Variants in MGAT4C observed in about 807,000 individuals in gnomAD.
The protein encoded by MGAT4C is MGAT4 family member C, also known as alpha-1,3-mannosyl-glycoprotein 4-beta-N-acetylglucosaminyltransferase C.
In MGAT4C, 19 loss-of-function variants were observed where a neutral mutation model predicts 40.1. The ratio of observed to expected loss-of-function variants is 0.47; its 90% CI spans 0.33 to 0.70. The LOEUF (loss-of-function observed/expected upper bound fraction) is 0.70, where lower values mean the gene tolerates loss of function less well. Among genes scored for constraint, MGAT4C ranks in the 30% least tolerant of loss-of-function variants. The probability of loss-of-function intolerance (pLI) is 0.02; values close to 1 mark genes in which losing one functional copy is unlikely to be tolerated. For synonymous variants in MGAT4C, 181 were observed against 187.1 expected (o/e 0.97, Z 0.27); for missense variants, 491 against 563.2 (o/e 0.87, Z 1.30).
intron 2 of MGAT4C, among the ~76,000 whole-genome samples, chr12:86,006,333 A>G (rs1887871517): frequency 6.6e-6 from 1 of 152,146 alleles, no homozygotes; most frequent in Non-Finnish European, 1.5e-5. Context: ...TGGGTTTCTA[A>G]CCATTAATTT....
At chr12:86,810,471 A>C in intron 1 of MGAT4C, among the ~76,000 whole-genome samples, 1 of 151,890 alleles carries the variant, frequency 6.6e-6, no homozygotes, top group African/African-American at 2.4e-5. Flanking sequence ...TTATAAGCTT[A>C]GGGTGATGTT....
chr12:86,116,249 C>G (rs1878398413), intron 1 of MGAT4C, among the ~76,000 whole-genome samples: 1 of 151,798 alleles, frequency 6.6e-6, no homozygotes, highest in Admixed American at 6.6e-5. Context: ...AGAAGTCGGG[C>G]ATAATCTGAC....
At chr12:86,089,126 A>T (rs549117759) in intron 1 of MGAT4C, among the ~76,000 whole-genome samples, 103 of 152,070 alleles carry the variant, frequency 6.8e-4, no homozygotes, top group African/African-American at 2.3e-3. Flanking sequence ...GCAAAATTAT[A>T]AATGGTATAT....
intron 1 of MGAT4C, among the ~76,000 whole-genome samples, chr12:86,193,630 G>A (rs565496783): frequency 7.9e-5 from 12 of 151,980 alleles, no homozygotes; most frequent in African/African-American, 2.4e-4. Context: ...TTTCTTTTAG[G>A]TACAGCATTC....
At chr12:85,999,608 T>C (rs930937645) in intron 2 of MGAT4C, among the ~76,000 whole-genome samples, 49 of 141,870 alleles carry the variant, frequency 3.5e-4, no homozygotes, top group Admixed American at 7.9e-4. Context: ...TATATATATA[T>C]ACATACACAA....
intron 1 of MGAT4C, among the ~76,000 whole-genome samples, chr12:86,142,044 G>T (rs946283414): frequency 6.6e-6 from 1 of 152,090 alleles, no homozygotes; most frequent in Admixed American, 6.6e-5. Flanking sequence ...TAATTCTAAG[G>T]AAGCCTCATC....
chr12:86,518,369 G>A (rs1311877790), intron 2 of MGAT4C, among the ~76,000 whole-genome samples: 1 of 152,066 alleles, frequency 6.6e-6, no homozygotes, highest in Non-Finnish European at 1.5e-5. Context: ...ACAAAGTAAA[G>A]AAATAGGCAA....
At chr12:86,656,325 A>G (rs542776150) in intron 2 of MGAT4C, among the ~76,000 whole-genome samples, 1 of 152,174 alleles carries the variant, frequency 6.6e-6, no homozygotes, top group Non-Finnish European at 1.5e-5. Flanking sequence ...CAATAAAAAC[A>G]TTTTGAAAAA....
chr12:86,636,458 C>A (rs906868585), intron 2 of MGAT4C, among the ~76,000 whole-genome samples: 3 of 151,906 alleles, frequency 2.0e-5, no homozygotes, highest in Non-Finnish European at 4.4e-5. Context: ...TATTTGGAGA[C>A]TGGGCTTTGG....
At chr12:86,231,529 C>T (rs914296467) in intron 1 of MGAT4C, among the ~76,000 whole-genome samples, 1 of 152,110 alleles carries the variant, frequency 6.6e-6, no homozygotes, top group African/African-American at 2.4e-5. Flanking sequence ...GTACAACAAT[C>T]ATCACAATCT....
At chr12:86,045,182 T>C (rs1892265018) in intron 2 of MGAT4C, among the ~76,000 whole-genome samples, 1 of 152,170 alleles carries the variant, frequency 6.6e-6, no homozygotes, top group Non-Finnish European at 1.5e-5. Context: ...ATGTTCCTCC[T>C]GGGTGTGTCT....
intron 2 of MGAT4C, among the ~76,000 whole-genome samples, chr12:86,546,255 C>G (rs561948278): frequency 1.3e-5 from 2 of 151,908 alleles, no homozygotes; most frequent in South Asian, 4.1e-4. Flanking sequence ...CCTTCAGAAA[C>G]TCTTTACTTT....
chr12:86,595,402 A>G (rs1011587382), intron 2 of MGAT4C, among the ~76,000 whole-genome samples: 1 of 152,012 alleles, frequency 6.6e-6, no homozygotes, highest in South Asian at 2.1e-4. Context: ...GTGGTGGCAC[A>G]CGCCTGTAGT....
intron 1 of MGAT4C, among the ~76,000 whole-genome samples, chr12:86,107,550 G>T (rs1876425274): frequency 6.6e-6 from 1 of 152,112 alleles, no homozygotes. Context: ...TGAAACAAAA[G>T]ATGTCAATAT....
chr12:86,051,503 G>GAT (rs970464087), intron 1 of MGAT4C, among the ~76,000 whole-genome samples: 1 of 151,506 alleles, frequency 6.6e-6, no homozygotes, highest in African/African-American at 2.4e-5. Context: ...CCTGAGAAGA[G>GAT]ATATATATAT....
intron 1 of MGAT4C, among the ~76,000 whole-genome samples, chr12:86,809,317 A>G (rs1566005077): frequency 6.6e-6 from 1 of 152,102 alleles, no homozygotes; most frequent in Non-Finnish European, 1.5e-5. Flanking sequence ...CCTGTTGGAT[A>G]TCTGAGCTAT....
At chr12:86,717,658 A>C (rs1239616254) in intron 2 of MGAT4C, among the ~76,000 whole-genome samples, 2 of 152,170 alleles carry the variant, frequency 1.3e-5, no homozygotes, top group African/African-American at 2.4e-5. Context: ...TTATTCAAAC[A>C]ATGGAAGATA....
intron 3 of MGAT4C, among the ~76,000 whole-genome samples, chr12:86,403,703 A>G (rs1956412765): frequency 6.6e-6 from 1 of 152,166 alleles, no homozygotes; most frequent in African/African-American, 2.4e-5. Flanking sequence ...TTTGGAAGGA[A>G]GCAGAGGAAG....
intron 2 of MGAT4C, among the ~76,000 whole-genome samples, chr12:86,018,147 G>T (rs987383702): frequency 1.3e-5 from 2 of 152,094 alleles, no homozygotes; most frequent in Non-Finnish European, 2.9e-5. Context: ...ACTCTTCAGG[G>T]TTGCACTTCC....
Sources: gnomAD v4.1 joint callset for allele counts (sites outside exome capture counted in the v4.1 genomes callset) on GRCh38, gnomAD v4.1.1 for gene constraint, MANE v1.5 for transcripts, NCBI Gene and HGNC (gene_info 2026-07-23, HGNC 2026-07-21) for gene names.